The following EXOC2 variants were observed in gnomAD, a reference collection of about 807,000 sequenced individuals.
The protein encoded by EXOC2 is exocyst complex component 2, also known as SEC5-like 1.
A neutral mutation model predicts 131.8 loss-of-function variants in EXOC2; 70 were observed. That is an observed-to-expected ratio of 0.53 (90% CI 0.44 to 0.65). The LOEUF (loss-of-function observed/expected upper bound fraction) is 0.65. Among genes scored for constraint, EXOC2 ranks in the 30% least tolerant of loss-of-function variants. The pLI, the probability that EXOC2 is intolerant of heterozygous loss-of-function variation, is 0.00. For missense variants in EXOC2, 923 were observed against 1,108.6 expected (o/e 0.83, Z 2.38); for synonymous variants, 411 against 398.4 (o/e 1.03, Z -0.38).
intron 1 of EXOC2, among the ~76,000 whole-genome samples, chr6:678,550 T>C (rs1489131622): frequency 6.6e-6 from 1 of 152,248 alleles, no homozygotes; most frequent in East Asian, 1.9e-4. Context: ...TGTTTTAGGA[T>C]AGAAAGTATT....
At position 637,804 on chromosome 6, in the gene EXOC2, T is replaced by C; in HGVS notation, c.15A>G (p.Arg5=). The C allele has an allele frequency of 3.1e-6, 5 of 1,613,838 alleles. No individual in the cohort carries two copies. The highest frequency in any genetic ancestry group is 4.2e-6 in the Non-Finnish European group (5 of 1,179,912). Residue 5 remains arginine (R), a synonymous_variant, in exon 2 of 28, where the codon CGA becomes CGG. Coordinates refer to ENST00000230449, the MANE Select transcript of EXOC2 (RefSeq NM_018303.6). ...AGATGCCGGTCACAAGGGGGGGTTG[T>C]CGTGATCGAGACATTGTGCTTTGTG... The part of the protein sequence containing the change: MSRS[R]QPPLVTGISP...
At chr6:582,753 A>ATG (rs1758984088) in intron 11 of EXOC2, among the ~76,000 whole-genome samples, 2 of 151,036 alleles carry the variant, frequency 1.3e-5, no homozygotes, top group Admixed American at 1.3e-4. Flanking sequence ...ATACATATAT[A>ATG]TGTATATATA....
intron 22 of EXOC2, 101 bp downstream of exon 22, chr6:549,074 C>T: frequency 1.1e-6 from 1 of 911,762 alleles, no homozygotes; most frequent in South Asian, 1.5e-5. Context: ...GGGCGGCACG[C>T]AGAGGGAATG....
intron 7 of EXOC2, among the ~76,000 whole-genome samples, chr6:606,885 T>C (rs1055873194): frequency 6.6e-6 from 1 of 152,220 alleles, no homozygotes; most frequent in Non-Finnish European, 1.5e-5. Context: ...TGCACTTTCA[T>C]CTTTATCGAC....
intron 4 of EXOC2, among the ~76,000 whole-genome samples, chr6:624,958 A>G (rs1761480644): frequency 6.6e-6 from 1 of 152,236 alleles, no homozygotes; most frequent in Admixed American, 6.5e-5. Flanking sequence ...CCACTAGCAC[A>G]GAGTTAGGAC....
At chr6:562,126 C>T (rs951207349) in intron 17 of EXOC2, among the ~76,000 whole-genome samples, 1 of 152,220 alleles carries the variant, frequency 6.6e-6, no homozygotes, top group African/African-American at 2.4e-5. Flanking sequence ...ATGGAGGCAG[C>T]CCTGGGCACT....
At position 598,014 on chromosome 6, in the gene EXOC2, G is replaced by T. The variant is rs752936909; in HGVS notation, c.1073+7C>A. The T allele has an allele frequency of 7.5e-6, 12 of 1,602,322 alleles. No individual in the cohort carries two copies. In the South Asian group the frequency reaches 1.3e-4, roughly 18 times the overall value. On this transcript the variant is annotated splice_region_variant and intron_variant, in intron 10 of 27. Transcript: ENST00000230449. ...GTGATTCAACAAAATGTTTGCAGAA[G>T]ATTTACCTTATGTAACGTTTTTGGT...
intron 7 of EXOC2, 58 bp from the exon 8 acceptor site, chr6:599,283 G>A (rs1759993836): frequency 1.4e-6 from 2 of 1,467,054 alleles, no homozygotes; most frequent in South Asian, 3.0e-5. Context: ...CAGAAAATGT[G>A]TAACTGGGCA....
intron 13 of EXOC2, among the ~76,000 whole-genome samples, chr6:568,837 A>G (rs1344767289): frequency 6.6e-6 from 1 of 152,200 alleles, no homozygotes; most frequent in African/African-American, 2.4e-5. Flanking sequence ...ACATATAAAA[A>G]TTAAGGCTAA....
intron 24 of EXOC2, among the ~76,000 whole-genome samples, 177 bp downstream of exon 24, chr6:499,468 C>CAG (rs902569525): frequency 2.8e-5 from 4 of 144,158 alleles, no homozygotes; most frequent in Non-Finnish European, 6.1e-5. Context: ...CACACACACA[C>CAG]ACACAGAGAC....
chr6:637,598 T>C lies in EXOC2; in HGVS notation c.118+103A>G, dbSNP rs915707013. 6 of 828,024 alleles carry C rather than the reference T, an allele frequency of 7.2e-6. No individual in the cohort carries two copies. The African/African-American group carries it at 1.0e-4, about 14-fold the overall frequency. 51.3% of individuals were successfully genotyped at this position (828,024 alleles called of 1,614,324 possible). ...GAGCATTCTGTAGAGATCACAAAGA[T>C]GTTTGTTCTATCACCTTCACTGTTT... is the stretch of plus-strand genomic sequence containing the variant. On this transcript the variant is annotated intron_variant, in intron 2 of 27. Transcript: ENST00000230449.
intron 24 of EXOC2, 83 bp downstream of exon 24, chr6:499,562 C>T: frequency 8.1e-7 from 1 of 1,230,594 alleles, no homozygotes; most frequent in Non-Finnish European, 1.2e-6. Context: ...AAAAGACCAC[C>T]ATAGAAATAA....
chr6:693,053 A>T lies in EXOC2; in HGVS notation c.-78T>A, dbSNP rs1466121991. The T allele has an allele frequency of 6.6e-6, 1 of 152,466 alleles. No individual in the cohort carries two copies. The highest frequency in any genetic ancestry group is 6.5e-5 in the Admixed American group (1 of 15,290). The allele number at this position is 152,466 out of a possible 1,614,324, so 9.4% of individuals were successfully genotyped here. ...TCCTGCCGCAGCTCACGGCCGGCAC[A>T]GACAGGGCCCGGTAGGTCTCGCCGA... On this transcript the variant is annotated 5_prime_UTR_variant, in exon 1 of 28. Coordinates refer to ENST00000230449, the MANE Select transcript of EXOC2 (RefSeq NM_018303.6).
intron 1 of EXOC2, among the ~76,000 whole-genome samples, chr6:648,674 T>C: frequency 6.6e-6 from 1 of 150,634 alleles, no homozygotes; most frequent in East Asian, 2.0e-4. Context: ...ATAAAGTGAA[T>C]AAGCCTATCC....
In EXOC2 at chr6:555,992, G is replaced by A. The variant is rs752136090; in HGVS notation, c.1954C>T (p.Gln652Ter). The change falls in exon 19 of 28, where the codon CAG becomes TAG. Residue 652 changes from glutamine (Q) to a stop codon, truncating the protein, a stop_gained. Transcript: ENST00000230449. LOFTEE classifies it high-confidence loss of function. Reference protein sequence around the residue: ...EASVFQQPKTQEEVCQLSINI... With the variant: ...EASVFQQPKT ...ATGCTTAGCTGGCAAACCTCCTCCT[G>A]TGTTTTAGGTTGTTGGAAGACCTGT... is the stretch of plus-strand genomic sequence containing the variant. 6.2e-7 allele frequency: 1 copy of A among 1,614,116 alleles called. No individual in the cohort carries two copies. Among genetic ancestry groups the A allele is most frequent in the Non-Finnish European group, 8.5e-7 (1 of 1,180,000 alleles).
chr6:636,010 C>T (rs1163547217), intron 2 of EXOC2, among the ~76,000 whole-genome samples: 6 of 152,252 alleles, frequency 3.9e-5, no homozygotes, highest in African/African-American at 7.2e-5. Flanking sequence ...TTGCAGTCAG[C>T]CAAGATCACG....
intron 12 of EXOC2, among the ~76,000 whole-genome samples, chr6:575,751 A>C (rs1193018268): frequency 6.6e-6 from 1 of 152,234 alleles, no homozygotes; most frequent in East Asian, 1.9e-4. Flanking sequence ...ATGGATTCTT[A>C]CATGGTATCT....
chr6:558,722 A>T (rs1315794762), intron 17 of EXOC2, among the ~76,000 whole-genome samples: 2 of 152,286 alleles, frequency 1.3e-5, no homozygotes, highest in Non-Finnish European at 1.5e-5. Flanking sequence ...CTGAGGCAGG[A>T]GAATCACTTG....
chr6:644,993 T>C (rs193260335), intron 1 of EXOC2, among the ~76,000 whole-genome samples: 1 of 152,208 alleles, frequency 6.6e-6, no homozygotes, highest in Non-Finnish European at 1.5e-5. Flanking sequence ...TATTCGAACA[T>C]CTAGCAAGAG....
Sources: allele counts gnomAD v4.1 joint callset (sites outside exome capture counted in the v4.1 genomes callset), GRCh38; gene constraint gnomAD v4.1.1; transcripts MANE v1.5; gene names NCBI Gene and HGNC (gene_info 2026-07-23, HGNC 2026-07-21).